MAP3K19: variants seen among roughly 807,000 people sequenced by gnomAD.
MAP3K19 encodes the protein mitogen-activated protein kinase kinase kinase 19.
MAP3K19 carries 91 observed loss-of-function variants against 114.4 expected under a neutral mutation model. The observed-to-expected ratio is 0.80, with a 90% CI of 0.67 to 0.95. MAP3K19 has a LOEUF of 0.95. Ranked by LOEUF, MAP3K19 falls within the 40% of genes least tolerant of loss-of-function variation. The pLI, the probability that MAP3K19 is intolerant of heterozygous loss-of-function variation, is 0.00. For synonymous variants in MAP3K19, 518 were observed against 530.5 expected, an observed-to-expected ratio of 0.98 and a Z score of 0.32; for missense variants, 1,471 against 1,573.2, an observed-to-expected ratio of 0.94 and a Z score of 1.10.
intron 3 of MAP3K19, among the ~76,000 whole-genome samples, chr2:135,028,264 A>G (rs1196259087): frequency 6.6e-6 from 1 of 152,180 alleles, no homozygotes. Flanking sequence ...TTATAATAAT[A>G]CAGCAGCTCA....
intron 2 of MAP3K19, among the ~76,000 whole-genome samples, chr2:135,035,478 C>T (rs1229644477): frequency 6.6e-6 from 1 of 152,086 alleles, no homozygotes; most frequent in Non-Finnish European, 1.5e-5. Flanking sequence ...CTGCTTAGGG[C>T]TGGGGTGGGA....
intron 2 of MAP3K19, among the ~76,000 whole-genome samples, chr2:135,035,426 A>G (rs1688505035): frequency 6.6e-6 from 1 of 152,168 alleles, no homozygotes; most frequent in African/African-American, 2.4e-5. Context: ...ACAAAAAACA[A>G]TAAAAAAGGA....
chr2:134,985,550 A>G (rs1685032479), intron 10 of MAP3K19, among the ~76,000 whole-genome samples: 1 of 152,250 alleles, frequency 6.6e-6, no homozygotes, highest in Admixed American at 6.5e-5. Context: ...TGCTAAATTA[A>G]TTTAACCAAA....
intron 5 of MAP3K19, among the ~76,000 whole-genome samples, chr2:135,006,670 C>T (rs998239577): frequency 6.6e-6 from 1 of 151,632 alleles, no homozygotes; most frequent in African/African-American, 2.4e-5. Context: ...ATTAGCTGGA[C>T]GTGATGGCAC....
chr2:135,033,560 CTGG>C (rs1688446125), intron 2 of MAP3K19, among the ~76,000 whole-genome samples: 1 of 334 alleles, frequency 3.0e-3, no homozygotes, highest in Non-Finnish European at 5.8e-3. Flanking sequence ...GACGGGGCGG[CTGG>C]CGGGCGGGGG....
chr2:134,967,351 T>C (rs1683431048), intron 12 of MAP3K19, among the ~76,000 whole-genome samples: 1 of 152,214 alleles, frequency 6.6e-6, no homozygotes, highest in Non-Finnish European at 1.5e-5. Context: ...GTAAAGGGTC[T>C]GGCTGAGGTG....
At chr2:135,045,466 G>T (rs1688724377) in intron 1 of MAP3K19, among the ~76,000 whole-genome samples, 1 of 151,984 alleles carries the variant, frequency 6.6e-6, no homozygotes, top group Non-Finnish European at 1.5e-5. Context: ...ATTTCAGGGG[G>T]AAAAAAGGTT....
rs781585613 is a variant in MAP3K19, at chr2:135,005,435, CT to C, written c.234del (p.Gly79ValfsTer6). 3 of 1,604,222 alleles carry C rather than the reference CT, an allele frequency of 1.9e-6. No individual in the cohort carries two copies. Among genetic ancestry groups the C allele is most frequent in the East Asian group, 2.2e-5 (1 of 44,830 alleles). On this transcript the variant is annotated frameshift_variant and splice_region_variant, in exon 6 of 13. Coordinates refer to ENST00000392915, the MANE Select transcript of MAP3K19 (RefSeq NM_025052.5). LOFTEE classifies it high-confidence loss of function. ...CACATCAAGGAGTAAAGCCCAGTAC[CT>C]TCTGTCCTGGGTTGCCAGTCCTGTC... ...GGRQDWQPRT[E>X]GVEITVTFPR... is the part of the protein sequence containing the mutation.
intron 12 of MAP3K19, among the ~76,000 whole-genome samples, chr2:134,974,557 A>G (rs1000197460): frequency 6.6e-6 from 1 of 152,168 alleles, no homozygotes; most frequent in Admixed American, 6.5e-5. Flanking sequence ...TAGACCTGGG[A>G]AAGTTTCAAC....
chr2:135,037,267 G>A (rs569735049), intron 2 of MAP3K19, among the ~76,000 whole-genome samples: 2 of 152,340 alleles, frequency 1.3e-5, no homozygotes, highest in Non-Finnish European at 2.9e-5. Flanking sequence ...CAAAGTGCTG[G>A]GATTACAGGC....
chr2:135,010,052 C>T (rs1478143881), intron 5 of MAP3K19, among the ~76,000 whole-genome samples: 1 of 151,262 alleles, frequency 6.6e-6, no homozygotes, highest in African/African-American at 2.4e-5. Context: ...GTTGTGACCA[C>T]TCAGTGATCT....
chr2:135,045,571 C>T (rs1453267999), intron 1 of MAP3K19, among the ~76,000 whole-genome samples: 1 of 152,210 alleles, frequency 6.6e-6, no homozygotes, highest in Non-Finnish European at 1.5e-5. Context: ...ATTTATATCA[C>T]ACTTTATTCA....
Position 134,987,643 on chromosome 2 carries a change from A to C in MAP3K19, c.1229T>G (p.Met410Arg). The change falls in exon 10 of 13, where the codon ATG becomes AGG. Residue 410 changes from methionine (M) to arginine (R), a missense_variant. Met to Arg is a moderately conservative substitution (Grantham distance 91). Transcript: ENST00000392915. ...SEITPSQDEE[M>R]RNNKAASKRV... ...TTTTGAAGCAGCTTTATTATTTCTC[A>C]TCTCTTCATCCTGGCTTGGAGTTAT... 6.2e-7 allele frequency: 1 copy of C among 1,613,858 alleles called. No individual in the cohort carries two copies. Among genetic ancestry groups the C allele is most frequent in the Non-Finnish European group, 8.5e-7 (1 of 1,179,970 alleles).
At chr2:134,992,794 C>A (rs187268253) in intron 8 of MAP3K19, among the ~76,000 whole-genome samples, 1 of 152,032 alleles carries the variant, frequency 6.6e-6, no homozygotes, top group South Asian at 2.1e-4. Flanking sequence ...CTCAGCCTCC[C>A]GAGAAGCTGG....
chr2:135,006,256 T>C (rs1460390261), intron 5 of MAP3K19, among the ~76,000 whole-genome samples: 3 of 152,216 alleles, frequency 2.0e-5, no homozygotes, highest in African/African-American at 7.2e-5. Context: ...AGAACCATGA[T>C]AGATCCAAGT....
At chr2:134,996,203 C>T (rs1359183913) in intron 8 of MAP3K19, among the ~76,000 whole-genome samples, 1 of 152,000 alleles carries the variant, frequency 6.6e-6, no homozygotes, top group Non-Finnish European at 1.5e-5. Context: ...AAGCAGTGCT[C>T]CTGCCTCAGC....
chr2:135,000,631 T>C (rs1686371670), intron 6 of MAP3K19, among the ~76,000 whole-genome samples: 1 of 152,232 alleles, frequency 6.6e-6, no homozygotes, highest in Non-Finnish European at 1.5e-5. Context: ...CAGCACTTAG[T>C]GCTGAAAACA....
At position 135,027,371 on chromosome 2, in the gene MAP3K19, GAGAA is replaced by G. The variant is rs1239637545; in HGVS notation, c.-94-2634_-94-2631del. 4.4e-5 allele frequency among the ~76,000 whole-genome samples: 6 copies of G among 136,108 alleles called. No individual in the cohort carries two copies. In the East Asian group the frequency reaches 6.9e-4, roughly 16 times the overall value. The allele number at this position is 136,108 out of a possible 152,430, so 89.3% of individuals were successfully genotyped here. The stretch of plus-strand genomic sequence containing the variant: ...AAAGAGAGAAAGAAAGAAAGAGAGA[GAGAA>G]AGAAAGAAAAAAGAAAGAAAGAAAA... On this transcript the variant is annotated intron_variant, in intron 3 of 12. Transcript: ENST00000392915.
At chr2:135,032,627 T>A (rs1019432954) in intron 2 of MAP3K19, among the ~76,000 whole-genome samples, 4 of 150,952 alleles carry the variant, frequency 2.6e-5, no homozygotes, top group South Asian at 2.1e-4. Flanking sequence ...TTATTTATTT[T>A]TTTTAATTGA....
Sources: allele counts gnomAD v4.1 joint callset (sites outside exome capture counted in the v4.1 genomes callset), GRCh38; gene constraint gnomAD v4.1.1; transcripts MANE v1.5; gene names NCBI Gene and HGNC (gene_info 2026-07-23, HGNC 2026-07-21).